Variants in MFSD6 observed in about 807,000 individuals in gnomAD.
MFSD6 encodes major facilitator superfamily domain containing 6.
Under a neutral mutation model 56.3 loss-of-function variants are expected in MFSD6, and 26 were observed. The observed-to-expected ratio is 0.46, with a 90% CI of 0.34 to 0.64. The LOEUF (loss-of-function observed/expected upper bound fraction) is 0.64, where lower values mean the gene tolerates loss of function less well. Among genes scored for constraint, MFSD6 ranks in the 30% least tolerant of loss-of-function variants. MFSD6 has a pLI of 0.01. For missense variants in MFSD6, 750 were observed against 986.2 expected (o/e 0.76, Z 3.21); for synonymous variants, 331 against 366.9 (o/e 0.90, Z 1.12).
chr2:190,497,866 T>A lies in MFSD6; in HGVS notation c.2172+147T>A. 6 of 908,796 alleles carry A rather than the reference T, an allele frequency of 6.6e-6. No homozygotes were observed. The highest frequency in any genetic ancestry group is 9.8e-6 in the Non-Finnish European group (6 of 611,230). 56.3% of individuals were successfully genotyped at this position (908,796 alleles called of 1,614,324 possible). On this transcript the variant is annotated intron_variant, in intron 7 of 7. Coordinates refer to ENST00000392328, the MANE Select transcript of MFSD6 (RefSeq NM_017694.4). The surrounding 1 kb of genome is among the most constrained non-coding windows in gnomAD (Gnocchi z 5.2). The stretch of plus-strand genomic sequence containing the variant: ...ACATGCAAACAATTTCAGTACTCTG[T>A]GAGCACTGAGTTAAAGAGGGTGTAT...
At position 190,447,556 on chromosome 2, in the gene MFSD6, A is replaced by C. The variant is rs1559117027; in HGVS notation, c.1532+9995A>C. Among the ~76,000 whole-genome samples the C allele has an allele frequency of 6.6e-6, 1 of 152,266 alleles. No individual in the cohort carries two copies. Among genetic ancestry groups the C allele is most frequent in the Non-Finnish European group, 1.5e-5 (1 of 68,046 alleles). ...TGATATAAAGAAGCCACATTAAAAA[A>C]TAAATTGCTTATATACTTCTTAGTG... On this transcript the variant is annotated intron_variant, in intron 3 of 7. Transcript: ENST00000392328. This position sits in a 1 kb window ranked among gnomAD's most constrained non-coding sequence, Gnocchi z 4.5.
intron 4 of MFSD6, among the ~76,000 whole-genome samples, chr2:190,482,076 C>T (rs10170916): frequency 0.013 from 1,934 of 152,238 alleles, 59 homozygotes; most frequent in African/African-American, 0.044. Context: ...AAGGATAGCA[C>T]GTGGGAAATT....
chr2:190,486,026 T>C (rs1460335314), intron 4 of MFSD6, among the ~76,000 whole-genome samples: 1 of 152,234 alleles, frequency 6.6e-6, no homozygotes, highest in African/African-American at 2.4e-5. Flanking sequence ...GCTATTTCTG[T>C]CTTCCTATAA....
At chr2:190,478,018 G>A (rs1049597101) in intron 4 of MFSD6, among the ~76,000 whole-genome samples, 1 of 152,130 alleles carries the variant, frequency 6.6e-6, no homozygotes, top group Non-Finnish European at 1.5e-5. Flanking sequence ...GTGGTGTGCC[G>A]GGGCTAGGGC....
Position 190,499,883 on chromosome 2 carries a change from A to C in MFSD6, c.2173-132A>C. ...TAAGACATTCTATCCTTATTCCTCT[A>C]TTACTTGGTCCCTGAAATGGGCACT... On this transcript the variant is annotated intron_variant, in intron 7 of 7. Transcript: ENST00000392328. This position sits in a 1 kb window ranked among gnomAD's most constrained non-coding sequence, Gnocchi z 6.0. The C allele has an allele frequency of 6.4e-7, 1 of 1,558,134 alleles. No individual in the cohort carries two copies. Among genetic ancestry groups the C allele is most frequent in the South Asian group, 1.2e-5 (1 of 84,170 alleles).
intron 4 of MFSD6, among the ~76,000 whole-genome samples, chr2:190,477,606 A>T (rs72907127): frequency 1.5e-4 from 23 of 152,300 alleles, no homozygotes; most frequent in African/African-American, 5.3e-4. Flanking sequence ...TTTATTAAAG[A>T]TATATTAAAT....
At position 190,489,932 on chromosome 2, in the gene MFSD6, C is replaced by CT. The variant is rs59123011; in HGVS notation, c.1891+66_1891+67insT. The CT allele has an allele frequency of 1.5e-5, 21 of 1,415,488 alleles. No individual in the cohort carries two copies. Among genetic ancestry groups the CT allele is most frequent in the African/African-American group, 2.8e-5 (2 of 70,208 alleles). The allele number at this position is 1,415,488 out of a possible 1,614,324, so 87.7% of individuals were successfully genotyped here. The stretch of plus-strand genomic sequence containing the variant: ...GGCCATGGGAAGTCAACAAATGCCC[C>CT]GAGAAGCCTAGAAGTGGTACAGAGT... On this transcript the variant is annotated intron_variant, in intron 6 of 7. Transcript: ENST00000392328. The surrounding 1 kb of genome is among the most constrained non-coding windows in gnomAD (Gnocchi z 6.6).
Position 190,425,002 on chromosome 2 carries a change from T to A in MFSD6, c.-54+9589T>A, listed in dbSNP as rs1433258288. 6.6e-6 allele frequency among the ~76,000 whole-genome samples: 1 copy of A among 152,240 alleles called. No homozygotes were observed. Among genetic ancestry groups the A allele is most frequent in the Admixed American group, 6.5e-5 (1 of 15,290 alleles). On this transcript the variant is annotated intron_variant, in intron 2 of 7. Transcript: ENST00000392328. The surrounding 1 kb of genome is among the most constrained non-coding windows in gnomAD (Gnocchi z 4.3). ...GAGAATTGAAATTCATAAACATGGA[T>A]CCATTTATTTAGCTCTTTGATTTCT...
rs1038940028 is a variant in MFSD6 at position 190,421,623 on chromosome 2, C to T, written c.-54+6210C>T. ...ATTTGAGACAGTTCTCACCCTGTCA[C>T]CCAGGCTGAGTGCAGTGGTATGATC... On this transcript the variant is annotated intron_variant, in intron 2 of 7. Transcript: ENST00000392328. Among the ~76,000 whole-genome samples, 3 of 152,106 alleles carry T rather than the reference C, an allele frequency of 2.0e-5. No homozygotes were observed. In the South Asian group the frequency reaches 6.2e-4, roughly 32 times the overall value.
In MFSD6 at chr2:190,487,904, T is replaced by C. The variant is rs1253107475; in HGVS notation, c.1631-753T>C. ...ATTTCTAGTTACCTAGTCAAAATAA[T>C]TTTTTTTTCTTTTTTGAGACAGAAT... is the stretch of plus-strand genomic sequence containing the variant. On this transcript the variant is annotated intron_variant, in intron 4 of 7. Transcript: ENST00000392328. This position sits in a 1 kb window ranked among gnomAD's most constrained non-coding sequence, Gnocchi z 5.5. Among the ~76,000 whole-genome samples the C allele has an allele frequency of 9.0e-6, 1 of 111,408 alleles. No individual in the cohort carries two copies. Among genetic ancestry groups the C allele is most frequent in the Non-Finnish European group, 2.2e-5 (1 of 44,926 alleles). The allele number at this position is 111,408 out of a possible 152,430, so 73.1% of individuals were successfully genotyped here.
chr2:190,479,390 A>T (rs1392874777), intron 4 of MFSD6, among the ~76,000 whole-genome samples: 1 of 152,216 alleles, frequency 6.6e-6, no homozygotes, highest in African/African-American at 2.4e-5. Context: ...TATTTAAAAA[A>T]GAGACAGGGA....
At chr2:190,477,715 G>A (rs1313117164) in intron 4 of MFSD6, among the ~76,000 whole-genome samples, 7 of 152,228 alleles carry the variant, frequency 4.6e-5, no homozygotes, top group Non-Finnish European at 5.9e-5. Flanking sequence ...TGTTCTGGAA[G>A]CCAGATGTGT....
chr2:190,412,322 G>A lies in MFSD6; in HGVS notation c.-175-2970G>A, dbSNP rs1690593988. 4 of 983,740 alleles carry A rather than the reference G, an allele frequency of 4.1e-6. No individual in the cohort carries two copies. In the South Asian group the frequency reaches 1.4e-4, roughly 35 times the overall value. The allele number at this position is 983,740 out of a possible 1,614,324, so 60.9% of individuals were successfully genotyped here. On this transcript the variant is annotated intron_variant, in intron 1 of 7. Transcript: ENST00000392328. This position sits in a 1 kb window ranked among gnomAD's most constrained non-coding sequence, Gnocchi z 4.1. The stretch of plus-strand genomic sequence containing the variant: ...GAGGGAATTGTAAAAGTATTTTACA[G>A]AAGAGATATTCTCACAATTTTAGGT...
At chr2:190,452,331 A>C (rs1365727565) in intron 3 of MFSD6, among the ~76,000 whole-genome samples, 1 of 151,946 alleles carries the variant, frequency 6.6e-6, no homozygotes, top group African/African-American at 2.4e-5. Context: ...TTATGGGATA[A>C]TATTTTAAAA....
chr2:190,459,857 T>G lies in MFSD6; in HGVS notation c.1533-9901T>G, dbSNP rs968163077. Among the ~76,000 whole-genome samples the G allele has an allele frequency of 2.0e-5, 3 of 152,378 alleles. No individual in the cohort carries two copies. Among genetic ancestry groups the G allele is most frequent in the African/African-American group, 7.2e-5 (3 of 41,594 alleles). Reference sequence around the variant, plus strand: ...TTCTAGCAGAAACAATAGAAGGAAGTATTAGTAGCTGCAGAAAATATACAC... The same window carrying G: ...TTCTAGCAGAAACAATAGAAGGAAGGATTAGTAGCTGCAGAAAATATACAC... On this transcript the variant is annotated intron_variant, in intron 3 of 7. Transcript: ENST00000392328. The surrounding 1 kb of genome is among the most constrained non-coding windows in gnomAD (Gnocchi z 5.3).
intron 3 of MFSD6, among the ~76,000 whole-genome samples, chr2:190,448,155 C>G (rs1203997786): frequency 6.6e-6 from 1 of 152,126 alleles, no homozygotes; most frequent in Non-Finnish European, 1.5e-5. Flanking sequence ...CTCTAACAGG[C>G]TGAGGTGATG....
At chr2:190,444,422 T>C (rs1195469954) in intron 3 of MFSD6, among the ~76,000 whole-genome samples, 1 of 152,202 alleles carries the variant, frequency 6.6e-6, no homozygotes, top group Non-Finnish European at 1.5e-5. Context: ...TACTGTAATA[T>C]CAGTGTCAGT....
intron 3 of MFSD6, among the ~76,000 whole-genome samples, chr2:190,441,737 T>C (rs1686386099): frequency 6.6e-6 from 1 of 152,114 alleles, no homozygotes; most frequent in Admixed American, 6.5e-5. Flanking sequence ...TCCTCAGCTC[T>C]AGAGACCTCT....
chr2:190,446,491 G>T (rs1371585389), intron 3 of MFSD6, among the ~76,000 whole-genome samples: 1 of 152,162 alleles, frequency 6.6e-6, no homozygotes, highest in Non-Finnish European at 1.5e-5. Flanking sequence ...TAAACTGGGA[G>T]AGCTATGTGT....
Sources: allele counts gnomAD v4.1 joint callset (sites outside exome capture counted in the v4.1 genomes callset), GRCh38; gene constraint gnomAD v4.1.1; non-coding constraint Gnocchi (gnomAD v3.1); transcripts MANE v1.5; gene names NCBI Gene and HGNC (gene_info 2026-07-23, HGNC 2026-07-21).